The following LTN1 variants were observed in gnomAD, a reference collection of about 807,000 sequenced individuals.
The protein encoded by LTN1 is listerin E3 ubiquitin protein ligase 1.
Under a neutral mutation model 201.2 loss-of-function variants are expected in LTN1, and 88 were observed. The observed-to-expected ratio is 0.44, with a 90% CI of 0.37 to 0.52. The LOEUF (loss-of-function observed/expected upper bound fraction) is 0.52. Among genes scored for constraint, LTN1 ranks in the 20% least tolerant of loss-of-function variants. The pLI is 0.00. For synonymous variants in LTN1, 645 were observed against 713.5 expected (o/e 0.90, Z 1.53); for missense variants, 1,752 against 2,038.7 (o/e 0.86, Z 2.71).
intron 6 of LTN1, among the ~76,000 whole-genome samples, chr21:28,980,490 A>AT (rs1375571624): frequency 6.6e-6 from 1 of 151,246 alleles, no homozygotes; most frequent in East Asian, 1.9e-4. Flanking sequence ...ACATGTATAC[A>AT]TATGTAACTA....
intron 6 of LTN1, among the ~76,000 whole-genome samples, chr21:28,980,309 C>T (rs531939494): frequency 5.2e-4 from 74 of 142,990 alleles, no homozygotes; most frequent in African/African-American, 1.9e-3. Context: ...GTGCTGTTGG[C>T]CGTGAGTTCA....
At chr21:28,944,237 G>T in intron 22 of LTN1, 146 bp downstream of exon 22, 1 of 649,172 alleles carries the variant, frequency 1.5e-6, no homozygotes, top group Non-Finnish European at 2.7e-6. Context: ...CATAGATGAT[G>T]CTTCTGAGAA....
chr21:28,936,567 G>A lies in LTN1; in HGVS notation c.4613C>T (p.Pro1538Leu). The A allele has an allele frequency of 6.2e-7, 1 of 1,613,780 alleles. No individual in the cohort carries two copies. The highest frequency in any genetic ancestry group is 8.5e-7 in the Non-Finnish European group (1 of 1,179,840). Reference protein sequence around the residue: ...ETAVEVPNKDPKTFFTEELQL... With the variant: ...ETAVEVPNKDLKTFFTEELQL... ...GAGCTCCTCAGTAAAGAATGTTTTAGGGTCCTTATTTGGGACCTCAACTGC... is the reference window on the plus strand; with the variant it reads ...GAGCTCCTCAGTAAAGAATGTTTTAAGGTCCTTATTTGGGACCTCAACTGC... The change falls in exon 26 of 30, where the codon CCT becomes CTT. Residue 1538 changes from proline to leucine, a missense_variant. Transcript: ENST00000361371.
intron 11 of LTN1, 93 bp downstream of exon 11, chr21:28,965,772 C>A: frequency 1.4e-6 from 1 of 693,622 alleles, no homozygotes; most frequent in Non-Finnish European, 2.4e-6. Flanking sequence ...ACCTGACTAT[C>A]TGACCATATT....
chr21:28,937,352 A>G (rs560080103), intron 25 of LTN1, among the ~76,000 whole-genome samples: 1 of 152,144 alleles, frequency 6.6e-6, no homozygotes, highest in Non-Finnish European at 1.5e-5. Context: ...ATCTCCTCAC[A>G]GTACAAAGAT....
At chr21:28,965,069 C>A (rs981086756) in intron 11 of LTN1, among the ~76,000 whole-genome samples, 1 of 152,020 alleles carries the variant, frequency 6.6e-6, no homozygotes, top group Non-Finnish European at 1.5e-5. Context: ...GGAAACTGCA[C>A]AACGATGTAA....
chr21:28,943,212 G>T, intron 24 of LTN1, 50 bp downstream of exon 24: 1 of 1,113,918 alleles, frequency 9.0e-7, no homozygotes. Flanking sequence ...CATTATAAGT[G>T]AGATGGATTA....
At position 28,946,230 on chromosome 21, in the gene LTN1, T is replaced by A. The variant is rs1218511796; in HGVS notation, c.3545A>T (p.Asp1182Val). The A allele has an allele frequency of 6.3e-7, 1 of 1,589,278 alleles. No individual in the cohort carries two copies. The highest frequency in any genetic ancestry group is 8.5e-7 in the Non-Finnish European group (1 of 1,169,622). The change falls in exon 20 of 30, where the codon GAT becomes GTT. Residue 1182 changes from aspartate to valine, a missense_variant. Asp to Val is a radical substitution (Grantham distance 152). This residue lies in a region of LTN1 where 1,211 missense variants were observed against 1,312.8 expected (regional missense o/e 0.92). Transcript: ENST00000361371. ...TAATATTCCATGTAATAGCTCTCCA[T>A]CATCTATACTTTTGGTTTGCAGACA... The part of the protein sequence containing the change: ...NSCLQTKSID[D>V]GELLHGILKI...
chr21:28,955,908 G>A (rs2084420927), intron 16 of LTN1, among the ~76,000 whole-genome samples: 2 of 131,748 alleles, frequency 1.5e-5, no homozygotes, highest in South Asian at 4.9e-4. Context: ...GGGCAACAGA[G>A]CGAGACTCTG....
At chr21:28,979,690 C>A (rs2084643759) in intron 6 of LTN1, among the ~76,000 whole-genome samples, 1 of 152,136 alleles carries the variant, frequency 6.6e-6, no homozygotes. Context: ...GTGTCTTAGG[C>A]CGGGCACGGT....
intron 1 of LTN1, 75 bp downstream of exon 1, chr21:28,992,689 C>A: frequency 1.3e-6 from 2 of 1,563,950 alleles, no homozygotes; most frequent in East Asian, 2.2e-5. Flanking sequence ...TCCACACACC[C>A]TCCAGCAACG....
chr21:28,989,325 A>C lies in LTN1; in HGVS notation c.43-2391T>G, dbSNP rs184940457. On this transcript the variant is annotated intron_variant, in intron 1 of 29. Transcript: ENST00000361371. ...TCAAATTTCCAGTCTCCAATTTAAAAGTAACAAGTTACTTTTAAATGCACT... is the reference window on the plus strand; with the variant it reads ...TCAAATTTCCAGTCTCCAATTTAAACGTAACAAGTTACTTTTAAATGCACT... Among the ~76,000 whole-genome samples, 3 of 152,348 alleles carry C rather than the reference A, an allele frequency of 2.0e-5. No individual in the cohort carries two copies. The East Asian group carries it at 5.8e-4, about 29-fold the overall frequency.
chr21:28,979,107 T>C (rs1336061589), intron 6 of LTN1, among the ~76,000 whole-genome samples: 1 of 152,272 alleles, frequency 6.6e-6, no homozygotes, highest in Non-Finnish European at 1.5e-5. Flanking sequence ...AGCTGAATGC[T>C]GCCTAGTGAT....
At chr21:28,965,445 C>A (rs1435770151) in intron 11 of LTN1, among the ~76,000 whole-genome samples, 1 of 152,060 alleles carries the variant, frequency 6.6e-6, no homozygotes, top group Non-Finnish European at 1.5e-5. Flanking sequence ...TTTTATTTAC[C>A]TACATAGTGT....
chr21:28,958,103 C>T (rs1468107432), intron 14 of LTN1, among the ~76,000 whole-genome samples: 4 of 152,138 alleles, frequency 2.6e-5, no homozygotes, highest in Non-Finnish European at 2.9e-5. Flanking sequence ...TGGAAAAATT[C>T]GTTTGGGTCT....
At position 28,943,336 on chromosome 21, in the gene LTN1, T is replaced by C; in HGVS notation, c.4221A>G (p.Lys1407=). 6.4e-7 allele frequency: 1 copy of C among 1,566,644 alleles called. No homozygotes were observed. The highest frequency in any genetic ancestry group is 8.8e-7 in the Non-Finnish European group (1 of 1,142,408). The change falls in exon 24 of 30, where the codon AAA becomes AAG. Residue 1407 remains lysine (K), a splice_region_variant and synonymous_variant. Transcript: ENST00000361371. The part of the protein sequence containing the change: ...VQIAVYHMLY[K]LMPELPQYDQ... Reference sequence around the variant, plus strand: ...CATACTGTGGTAATTCAGGCATCAATCTAGAAATTAGAACATTATTTTTAA... The same window carrying C: ...CATACTGTGGTAATTCAGGCATCAACCTAGAAATTAGAACATTATTTTTAA...
chr21:28,968,470 C>T (rs1429059042), intron 9 of LTN1, among the ~76,000 whole-genome samples: 1 of 152,186 alleles, frequency 6.6e-6, no homozygotes, highest in Admixed American at 6.5e-5. Flanking sequence ...CTTCTCTCAT[C>T]TCTGGTTCTA....
chr21:28,955,607 C>T (rs952118343), intron 16 of LTN1, among the ~76,000 whole-genome samples: 2 of 151,694 alleles, frequency 1.3e-5, no homozygotes, highest in African/African-American at 4.8e-5. Context: ...TACATATGCA[C>T]AATGGAATAC....
At chr21:28,932,817 C>T (rs1159258621) in intron 27 of LTN1, among the ~76,000 whole-genome samples, 153 bp from the exon 28 acceptor site, 7 of 152,106 alleles carry the variant, frequency 4.6e-5, no homozygotes, top group South Asian at 2.1e-4. Flanking sequence ...TTAAGAAATA[C>T]GTTTAAATAC....
Sources: gnomAD v4.1 joint callset for allele counts (sites outside exome capture counted in the v4.1 genomes callset) on GRCh38, gnomAD v4.1.1 for gene constraint, gnomAD v4.1.1 regional missense constraint, MANE v1.5 for transcripts, NCBI Gene and HGNC (gene_info 2026-07-23, HGNC 2026-07-21) for gene names.